SGCG: variants seen among roughly 807,000 people sequenced by gnomAD.
SGCG encodes the protein gamma-sarcoglycan.
In SGCG, 26 loss-of-function variants were observed where a neutral mutation model predicts 29.3. That is an observed-to-expected ratio of 0.89 (90% CI 0.65 to 1.23). The LOEUF (loss-of-function observed/expected upper bound fraction) is 1.23. Ranked by LOEUF, SGCG falls within the 50% of genes most tolerant of loss-of-function variation. The pLI is 0.00. For missense variants in SGCG, 353 were observed against 356.0 expected (o/e 0.99, Z 0.07); for synonymous variants, 145 against 129.7 (o/e 1.12, Z -0.80).
At chr13:23,161,043 G>A in the SGCG span, among the ~76,000 whole-genome samples, 4 of 152,192 alleles carry the variant, frequency 2.6e-5, no homozygotes, top group South Asian at 2.1e-4. Context: ...TTTGCCCTGG[G>A]TTGCTTGCTG....
In SGCG at chr13:23,325,108, CAAAATT is replaced by C. The variant is rs886050067; in HGVS notation, c.*571_*576del. The C allele has an allele frequency of 3.8e-5, 6 of 159,770 alleles. No homozygotes were observed. Among genetic ancestry groups the C allele is most frequent in the African/African-American group, 1.2e-4 (5 of 41,596 alleles). 9.9% of individuals were successfully genotyped at this position (159,770 alleles called of 1,614,324 possible). A position where few individuals can be genotyped will look rare whatever the true frequency, so the allele number is the denominator to read the frequency against. ...GATGTAGTTAAAGGAATAAATCACT[CAAAATT>C]AAACTTTCTGTATATAGTCAATAAG... On this transcript the variant is annotated 3_prime_UTR_variant, in exon 8 of 8. Transcript: ENST00000218867.
At chr13:23,187,096 C>A (rs916850541) in intron 1 of SGCG, among the ~76,000 whole-genome samples, 4 of 152,148 alleles carry the variant, frequency 2.6e-5, no homozygotes, top group African/African-American at 7.2e-5. Flanking sequence ...GGAGGCCTAG[C>A]TACTGGGCCC....
chr13:23,259,767 G>A (rs1469376070), intron 4 of SGCG, among the ~76,000 whole-genome samples: 1 of 152,124 alleles, frequency 6.6e-6, no homozygotes, highest in Non-Finnish European at 1.5e-5. Flanking sequence ...TGGTTTCAAA[G>A]AACATCTTTA....
chr13:23,283,134 T>G (rs559229447), intron 5 of SGCG, among the ~76,000 whole-genome samples: 289 of 152,326 alleles, frequency 1.9e-3, no homozygotes, highest in African/African-American at 6.6e-3. Context: ...CTATTAGGTC[T>G]GCTTGGTCCA....
intron 2 of SGCG, chr13:23,217,647 G>A (rs1053824969): frequency 6.6e-6 from 1 of 151,638 alleles, no homozygotes; most frequent in Non-Finnish European, 1.5e-5. Context: ...TACTTTACAA[G>A]ACATGAAAGT....
intron 5 of SGCG, among the ~76,000 whole-genome samples, chr13:23,288,829 A>AT (rs1475671717): frequency 1.3e-5 from 2 of 152,196 alleles, no homozygotes; most frequent in Admixed American, 1.3e-4. Context: ...CCTGGCAACA[A>AT]TTTGCTAGGC....
chr13:23,234,503 G>A, intron 2 of SGCG, 108 bp from the exon 3 acceptor site: 1 of 757,028 alleles, frequency 1.3e-6, no homozygotes. Context: ...ATGCAGAAAA[G>A]GTGGTAGGCA....
At chr13:23,271,277 T>C (rs1283904084) in intron 4 of SGCG, among the ~76,000 whole-genome samples, 2 of 152,192 alleles carry the variant, frequency 1.3e-5, no homozygotes, top group Admixed American at 6.5e-5. Flanking sequence ...TAGATTTCCA[T>C]GTCTATCAGA....
chr13:23,217,256 G>A (rs552305993), intron 2 of SGCG, among the ~76,000 whole-genome samples: 7 of 152,156 alleles, frequency 4.6e-5, no homozygotes, highest in African/African-American at 1.7e-4. Flanking sequence ...CTTATGAATA[G>A]AGACTGTTTC....
intron 2 of SGCG, among the ~76,000 whole-genome samples, chr13:23,214,502 TCTGC>T (rs1425501060): frequency 9.2e-5 from 14 of 152,182 alleles, no homozygotes; most frequent in Non-Finnish European, 2.1e-4. Context: ...ACTTCTTTGC[TCTGC>T]CTATTTGACA....
At chr13:23,301,225 A>C (rs945457597) in intron 6 of SGCG, among the ~76,000 whole-genome samples, 1 of 152,240 alleles carries the variant, frequency 6.6e-6, no homozygotes, top group African/African-American at 2.4e-5. Context: ...TTTTAGAACA[A>C]GTATAAATAA....
intron 7 of SGCG, 63 bp from the exon 8 acceptor site, chr13:23,324,305 G>C: frequency 6.8e-7 from 1 of 1,471,870 alleles, no homozygotes; most frequent in East Asian, 2.3e-5. Flanking sequence ...GTGAGAATGG[G>C]GATTTGCTGC....
chr13:23,236,494 A>G lies in SGCG; in HGVS notation c.297+1782A>G, dbSNP rs1022820471. On this transcript the variant is annotated intron_variant, in intron 3 of 7. Transcript: ENST00000218867. Reference sequence around the variant, plus strand: ...AGATCAAGACCATCCTGGCTAACACAGTGAAACCCCGTCTCTACTAAAAAT... The same window carrying G: ...AGATCAAGACCATCCTGGCTAACACGGTGAAACCCCGTCTCTACTAAAAAT... Among the ~76,000 whole-genome samples the G allele has an allele frequency of 4.5e-4, 68 of 152,162 alleles. 1 individual carries two copies. The highest frequency in any genetic ancestry group is 3.4e-3 in the Middle Eastern group (1 of 294).
intron 3 of SGCG, among the ~76,000 whole-genome samples, chr13:23,236,404 G>A (rs141234792): frequency 0.021 from 3,163 of 152,214 alleles, 45 homozygotes; most frequent in African/African-American, 0.039. Context: ...TTGGCCAGGC[G>A]TGGTGGCTCA....
chr13:23,182,148 A>G (rs1455552986), intron 1 of SGCG, among the ~76,000 whole-genome samples: 1 of 152,238 alleles, frequency 6.6e-6, no homozygotes, highest in Admixed American at 6.5e-5. Context: ...AAATTGTTCC[A>G]TATTGTCCTT....
At chr13:23,289,861 T>G (rs1406022180) in intron 5 of SGCG, among the ~76,000 whole-genome samples, 1 of 152,174 alleles carries the variant, frequency 6.6e-6, no homozygotes, top group East Asian at 1.9e-4. Flanking sequence ...ACTCCTTGAT[T>G]CATTATACAT....
chr13:23,320,809 C>T lies in SGCG; in HGVS notation c.702+49C>T, dbSNP rs780283033. 6.4e-6 allele frequency: 10 copies of T among 1,569,386 alleles called. No homozygotes were observed. The South Asian group carries it at 1.0e-4, about 16-fold the overall frequency. ...TCCTACTGTATGTCCTGATGATATT[C>T]CTGAGTACCATGTCTGTAAAGCTAT... On this transcript the variant is annotated intron_variant, in intron 7 of 7. Transcript: ENST00000218867.
chr13:23,198,093 G>A (rs1336791567), intron 1 of SGCG, among the ~76,000 whole-genome samples: 1 of 152,178 alleles, frequency 6.6e-6, no homozygotes, highest in Non-Finnish European at 1.5e-5. Flanking sequence ...AGATAACTTC[G>A]AACTATTATA....
chr13:23,324,785 A>G lies in SGCG; in HGVS notation c.*244A>G. On this transcript the variant is annotated 3_prime_UTR_variant, in exon 8 of 8. Transcript: ENST00000218867. ...AAGCAATGTGTTTTTCCACTGGATTAATTTTCACCGGAACAATTGCGAATT... is the reference window on the plus strand; with the variant it reads ...AAGCAATGTGTTTTTCCACTGGATTGATTTTCACCGGAACAATTGCGAATT... 1.9e-6 allele frequency: 1 copy of G among 520,476 alleles called. No homozygotes were observed. The allele number at this position is 520,476 out of a possible 1,614,324, so 32.2% of individuals were successfully genotyped here.
Sources: allele counts gnomAD v4.1 joint callset (sites outside exome capture counted in the v4.1 genomes callset), GRCh38; gene constraint gnomAD v4.1.1; transcripts MANE v1.5; gene names NCBI Gene and HGNC (gene_info 2026-07-23, HGNC 2026-07-21).